MEF2A: variants seen among roughly 807,000 people sequenced by gnomAD.
MEF2A encodes myocyte enhancer factor 2A.
Under a neutral mutation model 55.8 loss-of-function variants are expected in MEF2A, and 28 were observed. That is an observed-to-expected ratio of 0.50 (90% CI 0.37 to 0.69). The LOEUF is 0.69. Among genes scored for constraint, MEF2A ranks in the 30% least tolerant of loss-of-function variants. MEF2A has a pLI of 0.00. For synonymous variants in MEF2A, 239 were observed against 227.1 expected, an observed-to-expected ratio of 1.05 and a Z score of -0.47; for missense variants, 528 against 626.2, an observed-to-expected ratio of 0.84 and a Z score of 1.67.
intron 4 of MEF2A, among the ~76,000 whole-genome samples, chr15:99,659,129 T>G (rs970145635): frequency 2.0e-5 from 3 of 152,182 alleles, no homozygotes; most frequent in Non-Finnish European, 4.4e-5. Flanking sequence ...TGTGGTGCAC[T>G]GAGAATCAGC....
rs199956614 is a variant in MEF2A at position 99,710,253 on chromosome 15, A to AT, written c.1010-372dup. ...TCTCAATGTAGGAACTTTTTATTTT[A>AT]TTTTTTTTTGAGAGGAAGTCTGTTG... is the stretch of plus-strand genomic sequence containing the variant. On this transcript the variant is annotated intron_variant, in intron 10 of 11. Coordinates refer to ENST00000557942, the MANE Select transcript of MEF2A (RefSeq NM_001319206.4). Among the ~76,000 whole-genome samples the AT allele has an allele frequency of 2.9e-3, 433 of 150,976 alleles. 2 individuals are homozygous for AT. The highest frequency in any genetic ancestry group is 4.5e-3 in the Non-Finnish European group (306 of 67,652).
chr15:99,628,894 A>G (rs2042458132), intron 2 of MEF2A, among the ~76,000 whole-genome samples: 1 of 148,456 alleles, frequency 6.7e-6, no homozygotes, highest in Admixed American at 6.7e-5. Context: ...TCCCTTCAAT[A>G]TTTCCTGATA....
At chr15:99,690,215 T>G in intron 7 of MEF2A, 26 bp from the exon 8 acceptor site, 1 of 1,605,236 alleles carries the variant, frequency 6.2e-7, no homozygotes, top group Non-Finnish European at 8.5e-7. Flanking sequence ...TCTTCTCACT[T>G]TATTGAATGA....
At chr15:99,644,337 A>C (rs2045575001) in intron 3 of MEF2A, among the ~76,000 whole-genome samples, 1 of 152,256 alleles carries the variant, frequency 6.6e-6, no homozygotes, top group Admixed American at 6.5e-5. Context: ...TTATCATGCT[A>C]CATAGGAAAT....
chr15:99,712,602 G>A lies in MEF2A; in HGVS notation c.1349G>A (p.Arg450His), dbSNP rs1246144047. The change falls in exon 12 of 12, where the codon CGC becomes CAC. Residue 450 changes from arginine to histidine, a missense_variant. Around this residue, in one of 2 missense-constraint regions of MEF2A, gnomAD observed 450 missense variants for 475.3 expected, o/e 0.95. Coordinates refer to ENST00000557942, the MANE Select transcript of MEF2A (RefSeq NM_001319206.4). This position sits in a 1 kb window ranked among gnomAD's most constrained non-coding sequence, Gnocchi z 4.1. ...PQPQPRQEMG[R>H]SPVDSLSSSS... ...CCCCAGCCCCGACAGGAAATGGGGC[G>A]CTCCCCTGTGGACAGTCTGAGCAGC... is the stretch of plus-strand genomic sequence containing the variant. The A allele has an allele frequency of 5.8e-6, 9 of 1,551,558 alleles. No homozygotes were observed. The highest frequency in any genetic ancestry group is 2.7e-5 in the African/African-American group (2 of 72,970).
intron 2 of MEF2A, among the ~76,000 whole-genome samples, chr15:99,613,763 A>T (rs2039703125): frequency 6.6e-6 from 1 of 152,214 alleles, no homozygotes; most frequent in South Asian, 2.1e-4. Flanking sequence ...GTATTTTGAC[A>T]GCCCATGGTA....
intron 2 of MEF2A, among the ~76,000 whole-genome samples, chr15:99,612,384 C>G (rs2039425541): frequency 6.6e-6 from 1 of 152,032 alleles, no homozygotes; most frequent in Non-Finnish European, 1.5e-5. Flanking sequence ...ACCACTCACT[C>G]CAGTCTGGAT....
chr15:99,688,529 G>A (rs1157746939), intron 7 of MEF2A, among the ~76,000 whole-genome samples: 11 of 152,096 alleles, frequency 7.2e-5, no homozygotes, highest in African/African-American at 2.7e-4. Context: ...AGGCCGAGGC[G>A]GGCAGATCAT....
chr15:99,621,262 A>G (rs1440889345), intron 2 of MEF2A, among the ~76,000 whole-genome samples: 1 of 152,188 alleles, frequency 6.6e-6, no homozygotes, highest in African/African-American at 2.4e-5. Flanking sequence ...TTTAATGGCT[A>G]CAGTATTGTA....
intron 1 of MEF2A, among the ~76,000 whole-genome samples, chr15:99,574,733 C>G (rs1032042145): frequency 6.6e-6 from 1 of 152,154 alleles, no homozygotes; most frequent in Non-Finnish European, 1.5e-5. Flanking sequence ...ACTGGCATGC[C>G]GCTCATCTCT....
intron 2 of MEF2A, among the ~76,000 whole-genome samples, chr15:99,631,607 TTC>T (rs2042953917): frequency 6.6e-6 from 1 of 152,214 alleles, no homozygotes; most frequent in Non-Finnish European, 1.5e-5. Context: ...TGTCTTTTTC[TTC>T]TACTAGACTC....
chr15:99,578,507 C>G (rs1391202762), intron 1 of MEF2A, among the ~76,000 whole-genome samples: 1 of 152,210 alleles, frequency 6.6e-6, no homozygotes, highest in Non-Finnish European at 1.5e-5. Flanking sequence ...CTGTAATCAT[C>G]TTCTTTCCCA....
Position 99,673,076 on chromosome 15 carries a change from C to A in MEF2A, c.391-1317C>A, listed in dbSNP as rs922790572. On this transcript the variant is annotated intron_variant, in intron 5 of 11. Coordinates refer to ENST00000557942, the MANE Select transcript of MEF2A (RefSeq NM_001319206.4). ...TGGCAGACTGGAACGGTCCTTTTCC[C>A]CTTGGAGACACTGAATAAACTGTGT... is the stretch of plus-strand genomic sequence containing the variant. 3.9e-5 allele frequency among the ~76,000 whole-genome samples: 6 copies of A among 152,216 alleles called. No homozygotes were observed. In the East Asian group the frequency reaches 9.7e-4, roughly 24 times the overall value.
chr15:99,573,995 C>T (rs557187658), intron 1 of MEF2A, among the ~76,000 whole-genome samples: 2 of 152,016 alleles, frequency 1.3e-5, no homozygotes, highest in South Asian at 4.2e-4. Flanking sequence ...TTTTTGTTTT[C>T]TTTCAGAAAT....
chr15:99,603,865 T>C (rs747158495), intron 2 of MEF2A, among the ~76,000 whole-genome samples: 27 of 152,234 alleles, frequency 1.8e-4, no homozygotes, highest in Non-Finnish European at 3.5e-4. Context: ...TGTTCAATAT[T>C]CAACTTCAAT....
chr15:99,650,212 C>G (rs567180214), intron 4 of MEF2A, among the ~76,000 whole-genome samples: 2 of 152,126 alleles, frequency 1.3e-5, no homozygotes, highest in African/African-American at 4.8e-5. Flanking sequence ...AAATGACTTG[C>G]CCAGAGTCAT....
At chr15:99,575,568 T>G (rs1338909695) in intron 1 of MEF2A, among the ~76,000 whole-genome samples, 1 of 152,202 alleles carries the variant, frequency 6.6e-6, no homozygotes, top group East Asian at 1.9e-4. Flanking sequence ...TAGTTAAGGT[T>G]TTACCTGCTA....
chr15:99,688,629 C>T (rs866873408), intron 7 of MEF2A, among the ~76,000 whole-genome samples: 28 of 152,026 alleles, frequency 1.8e-4, no homozygotes, highest in East Asian at 5.8e-4. Flanking sequence ...TGGTGGCGGG[C>T]GCCTGTAGTC....
intron 7 of MEF2A, among the ~76,000 whole-genome samples, chr15:99,678,276 AC>A (rs2052515340): frequency 6.6e-6 from 1 of 152,122 alleles, no homozygotes; most frequent in South Asian, 2.1e-4. Context: ...CAGAGAACTT[AC>A]CTCTATATGA....
Sources: gnomAD v4.1 joint callset for allele counts (sites outside exome capture counted in the v4.1 genomes callset) on GRCh38, gnomAD v4.1.1 for gene constraint, gnomAD v4.1.1 regional missense constraint, Gnocchi (gnomAD v3.1) non-coding constraint, MANE v1.5 for transcripts, NCBI Gene and HGNC (gene_info 2026-07-23, HGNC 2026-07-21) for gene names.